Variants in CLEC12A observed in about 807,000 individuals in gnomAD.
CLEC12A encodes the protein C-type lectin domain family 12 member A.
CLEC12A carries 22 observed loss-of-function variants against 26.5 expected under a neutral mutation model. The observed-to-expected ratio is 0.83, with a 90% confidence interval of 0.59 to 1.19. The LOEUF is 1.19. Ranked by LOEUF, CLEC12A falls within the 50% of genes most tolerant of loss-of-function variation. CLEC12A has a pLI of 0.00. For missense variants in CLEC12A, 353 were observed against 315.6 expected, an observed-to-expected ratio of 1.12 and a Z score of -0.90; for synonymous variants, 119 against 101.9, an observed-to-expected ratio of 1.17 and a Z score of -1.01.
At chr12:10,000,983 G>C in the CLEC12A span, among the ~76,000 whole-genome samples, 3 of 152,186 alleles carry the variant, frequency 2.0e-5, no homozygotes, top group Non-Finnish European at 4.4e-5. Flanking sequence ...GGAGGTTATA[G>C]TACAAATGAC....
In CLEC12A at chr12:9,985,007, C is replaced by T. The variant is rs370386592; in HGVS notation, c.779C>T (p.Thr260Ile). 31 of 1,526,896 alleles carry T rather than the reference C, an allele frequency of 2.0e-5. No homozygotes were observed. Among genetic ancestry groups the T allele is most frequent in the African/African-American group, 1.4e-4 (10 of 72,006 alleles). The allele number at this position is 1,526,896 out of a possible 1,614,324, so 94.6% of individuals were successfully genotyped here. The change falls in exon 6 of 6, where the codon ACA (threonine) becomes ATA (isoleucine). Residue 260 changes from threonine to isoleucine, a missense_variant. Physicochemically the swap from Thr to Ile is moderately conservative, Grantham distance 89. Coordinates refer to ENST00000304361, the MANE Select transcript of CLEC12A (RefSeq NM_138337.6). ...KMANPVQLGSTYFREA is the reference protein window; with the variant it reads ...KMANPVQLGSIYFREA ...GCCAATCCAGTGCAGCTTGGTTCTA[C>T]ATATTTTAGGGAGGCATGAGGCATC...
At chr12:9,954,703 C>T (rs531961004) in intron 1 of CLEC12A, among the ~76,000 whole-genome samples, 5 of 152,206 alleles carry the variant, frequency 3.3e-5, no homozygotes, top group Admixed American at 6.5e-5. Context: ...CTAGATGTTA[C>T]GTGTTGTTTT....
At chr12:9,987,920 T>C (rs1205915457), downstream of CLEC12A, among the ~76,000 whole-genome samples, 1 of 152,138 alleles carries the variant, frequency 6.6e-6, no homozygotes, top group African/African-American at 2.4e-5. Flanking sequence ...GTGATTCTCC[T>C]GCCTCAGCCT....
At chr12:9,984,121 G>GTA in intron 5 of CLEC12A, 1 of 192,456 alleles carries the variant, frequency 5.2e-6, no homozygotes, top group Non-Finnish European at 1.1e-5. Context: ...GTGTGTGTGT[G>GTA]TGTATATATA....
intron 4 of CLEC12A, among the ~76,000 whole-genome samples, chr12:9,981,123 C>A (rs1864541232): frequency 6.6e-6 from 1 of 151,984 alleles, no homozygotes; most frequent in African/African-American, 2.4e-5. Flanking sequence ...TTGTTTCTAC[C>A]ATTTTGTATT....
chr12:10,002,004 C>G, the CLEC12A span, among the ~76,000 whole-genome samples: 3 of 151,924 alleles, frequency 2.0e-5, no homozygotes, highest in East Asian at 5.8e-4. Flanking sequence ...CTCAGCCTCC[C>G]GAGTAGCTGG....
chr12:9,975,200 G>A (rs979227304), intron 1 of CLEC12A, among the ~76,000 whole-genome samples: 1 of 152,176 alleles, frequency 6.6e-6, no homozygotes, highest in Non-Finnish European at 1.5e-5. Flanking sequence ...AATAGAGTAG[G>A]GCGCTGCTGT....
At chr12:9,984,103 A>G (rs1159444363) in intron 5 of CLEC12A, 1 of 265,088 alleles carries the variant, frequency 3.8e-6, no homozygotes, top group Non-Finnish European at 7.5e-6. Context: ...TATGTATGAT[A>G]TATATATGTG....
In CLEC12A at chr12:9,980,667, G is replaced by A; in HGVS notation, c.465G>A (p.Gln155=). The A allele has an allele frequency of 6.2e-7, 1 of 1,613,932 alleles. No homozygotes were observed. Among genetic ancestry groups the A allele is most frequent in the Non-Finnish European group, 8.5e-7 (1 of 1,179,872 alleles). The change falls in exon 4 of 6, where the codon CAG becomes CAA. Residue 155 remains glutamine, a synonymous_variant. Transcript: ENST00000304361. ...TAAGTGATGATGTCCAAACATGGCA[G>A]GAGAGTAAAATGGCCTGTGCTGCTC... ...YFLSDDVQTW[Q]ESKMACAAQN...
At chr12:9,962,253 C>CT (rs71049021) in intron 1 of CLEC12A, among the ~76,000 whole-genome samples, 1,674 of 119,232 alleles carry the variant, frequency 0.014, 29 homozygotes, top group African/African-American at 0.039. Flanking sequence ...CCGGTTTTTT[C>CT]TTTTTTTTTT....
At chr12:9,983,460 A>G (rs998294344) in intron 5 of CLEC12A, 17 of 686,634 alleles carry the variant, frequency 2.5e-5, no homozygotes, top group Non-Finnish European at 3.9e-5. Context: ...AATGGGAAAA[A>G]AAGTCTTTAC....
Position 9,982,129 on chromosome 12 carries a change from G to C in CLEC12A, c.641G>C (p.Trp214Ser). ...GATAATATAATCAACTCCTCTGCCT[G>C]GTAAGTGTCTATTCTTGTTAGAATT... Reference protein sequence around the residue: ...RVDNIINSSAWVIRNAPDLNN... With the variant: ...RVDNIINSSASVIRNAPDLNN... The change falls in exon 5 of 6, where the codon TGG becomes TCG. Residue 214 changes from tryptophan (W) to serine (S), a missense_variant and splice_region_variant. By Grantham distance (177) the Trp-to-Ser change is radical. Transcript: ENST00000304361. 1 of 1,480,176 alleles carries C rather than the reference G, an allele frequency of 6.8e-7. No homozygotes were observed. Among genetic ancestry groups the C allele is most frequent in the Non-Finnish European group, 9.4e-7 (1 of 1,059,452 alleles). The allele number at this position is 1,480,176 out of a possible 1,614,324, so 91.7% of individuals were successfully genotyped here. A position where few individuals can be genotyped will look rare whatever the true frequency, so the allele number is the denominator to read the frequency against.
At chr12:9,994,403 ATTTG>A (rs1393216296) in intron 4 of CLEC12A, among the ~76,000 whole-genome samples, 2 of 152,158 alleles carry the variant, frequency 1.3e-5, no homozygotes, top group Non-Finnish European at 2.9e-5. Flanking sequence ...CTTAATAAAT[ATTTG>A]TTTAAAAATT....
At chr12:9,986,506 A>C (rs1393383383), downstream of CLEC12A, among the ~76,000 whole-genome samples, 1 of 149,560 alleles carries the variant, frequency 6.7e-6, no homozygotes, top group Non-Finnish European at 1.5e-5. Flanking sequence ...TTGGCCTGGT[A>C]ATTTTGCATA....
chr12:9,960,847 T>A (rs1412732820), intron 1 of CLEC12A, among the ~76,000 whole-genome samples: 2 of 152,214 alleles, frequency 1.3e-5, no homozygotes, highest in Non-Finnish European at 2.9e-5. Context: ...GCAATGAGAC[T>A]GCAGATCCTT....
chr12:10,002,020 C>T, the CLEC12A span, among the ~76,000 whole-genome samples: 1 of 151,800 alleles, frequency 6.6e-6, no homozygotes. Flanking sequence ...GCTGGGAGTA[C>T]AGGCGCCCAC....
intron 4 of CLEC12A, among the ~76,000 whole-genome samples, chr12:9,981,529 C>A (rs1864557562): frequency 6.6e-6 from 1 of 152,060 alleles, no homozygotes; most frequent in Admixed American, 6.6e-5. Flanking sequence ...GTTACTTACT[C>A]TAGAAAAAAT....
At chr12:9,998,786 T>G (rs1865115811), downstream of CLEC12A, among the ~76,000 whole-genome samples, 2 of 152,188 alleles carry the variant, frequency 1.3e-5, no homozygotes, top group South Asian at 4.1e-4. Context: ...CGTTATCCCC[T>G]TGACTTCTAT....
At chr12:9,970,114 T>C (rs1462424214), upstream of CLEC12A, among the ~76,000 whole-genome samples, 2 of 152,190 alleles carry the variant, frequency 1.3e-5, no homozygotes, top group Non-Finnish European at 2.9e-5. Flanking sequence ...CAGGAGAAAA[T>C]CAGTTGTTTT....
Sources: allele counts gnomAD v4.1 joint callset (sites outside exome capture counted in the v4.1 genomes callset), GRCh38; gene constraint gnomAD v4.1.1; transcripts MANE v1.5; gene names NCBI Gene and HGNC (gene_info 2026-07-23, HGNC 2026-07-21).